ERICH3: variants seen among roughly 807,000 people sequenced by gnomAD.
ERICH3 encodes the protein glutamate rich 3, also known as glutamate-rich protein 3.
In ERICH3, 126 loss-of-function variants were observed where a neutral mutation model predicts 131.1. That is an observed-to-expected ratio of 0.96 (90% CI 0.83 to 1.11). ERICH3 has a LOEUF of 1.11. Ranked by LOEUF, ERICH3 falls within the 50% of genes most tolerant of loss-of-function variation. The pLI, the probability that ERICH3 is intolerant of heterozygous loss-of-function variation, is 0.00. For synonymous variants in ERICH3, 695 were observed against 644.6 expected (o/e 1.08, Z -1.18); for missense variants, 2,050 against 1,810.7 (o/e 1.13, Z -2.40).
intron 7 of ERICH3, among the ~76,000 whole-genome samples, chr1:74,628,939 A>G (rs886168831): frequency 6.6e-6 from 1 of 152,148 alleles, no homozygotes; most frequent in Non-Finnish European, 1.5e-5. Flanking sequence ...AAGAATTAAG[A>G]GACTAAACAC....
intron 12 of ERICH3, among the ~76,000 whole-genome samples, chr1:74,580,261 T>C (rs372904891): frequency 1.3e-5 from 2 of 152,122 alleles, no homozygotes; most frequent in Admixed American, 1.3e-4. Context: ...TATTTTCCCA[T>C]ATCATTAAAT....
intron 12 of ERICH3, among the ~76,000 whole-genome samples, chr1:74,587,522 G>T (rs2100557469): frequency 6.7e-6 from 1 of 150,302 alleles, no homozygotes; most frequent in East Asian, 2.0e-4. Context: ...CAAACCCAGA[G>T]AAAAAAAAAC....
chr1:74,636,596 A>T (rs1646391763), intron 5 of ERICH3, among the ~76,000 whole-genome samples, 158 bp from the exon 6 acceptor site: 1 of 152,208 alleles, frequency 6.6e-6, no homozygotes, highest in Admixed American at 6.5e-5. Flanking sequence ...TACCCTTATG[A>T]CCCAAAGTAT....
At chr1:74,658,407 A>G (rs1347452294) in intron 1 of ERICH3, among the ~76,000 whole-genome samples, 1 of 152,160 alleles carries the variant, frequency 6.6e-6, no homozygotes, top group African/African-American at 2.4e-5. Context: ...CAGAGGGAGA[A>G]GTCAAATCGT....
intron 3 of ERICH3, among the ~76,000 whole-genome samples, chr1:74,645,405 T>G (rs1040247162): frequency 6.6e-5 from 10 of 151,708 alleles, no homozygotes; most frequent in African/African-American, 2.4e-4. Context: ...TATGTTTATA[T>G]ATTATTTATT....
At chr1:74,649,170 T>C in intron 2 of ERICH3, 52 bp downstream of exon 2, 1 of 1,279,722 alleles carries the variant, frequency 7.8e-7, no homozygotes, top group South Asian at 1.3e-5. Flanking sequence ...AGGTAGGGAA[T>C]TATTGGACTT....
At chr1:74,610,170 T>C (rs1036050680) in intron 9 of ERICH3, among the ~76,000 whole-genome samples, 1 of 151,868 alleles carries the variant, frequency 6.6e-6, no homozygotes, top group Non-Finnish European at 1.5e-5. Flanking sequence ...AGGTGGCCCC[T>C]AAGTACAGCT....
Position 74,571,404 on chromosome 1 carries a change from C to A in ERICH3, c.4306G>T (p.Ala1436Ser), listed in dbSNP as rs145973902. ...AGCCCTGAGGTCTTCCGCTCCAGGG[C>A]TCCTGGAGTGCCCACCCCAGCCTCT... is the stretch of plus-strand genomic sequence containing the variant. Reference protein sequence around the residue: ...TTEAGVGTPGALERKTSGLGQ... With the variant: ...TTEAGVGTPGSLERKTSGLGQ... The change falls in exon 14 of 15, where the codon GCC becomes TCC. Residue 1436 changes from alanine (A) to serine (S), a missense_variant. Coordinates refer to ENST00000326665, the MANE Select transcript of ERICH3 (RefSeq NM_001002912.5). 171 of 1,613,878 alleles carry A rather than the reference C, an allele frequency of 1.1e-4. No homozygotes were observed. The highest frequency in any genetic ancestry group is 1.4e-4 in the Non-Finnish European group (164 of 1,179,986).
intron 13 of ERICH3, 116 bp downstream of exon 13, chr1:74,576,779 A>T: frequency 2.2e-6 from 2 of 912,284 alleles, no homozygotes; most frequent in East Asian, 5.0e-5. Context: ...CTTAAAAGTC[A>T]TTCAATAAAT....
intron 12 of ERICH3, among the ~76,000 whole-genome samples, chr1:74,585,087 A>G (rs1216125000): frequency 1.3e-5 from 2 of 152,230 alleles, no homozygotes; most frequent in African/African-American, 4.8e-5. Context: ...AATTTACATT[A>G]AATACACTAC....
At chr1:74,593,792 A>G (rs1283494546) in intron 11 of ERICH3, among the ~76,000 whole-genome samples, 1 of 152,140 alleles carries the variant, frequency 6.6e-6, no homozygotes, top group Admixed American at 6.6e-5. Flanking sequence ...GAGGTTCAAC[A>G]GTACCCAATG....
rs1474438450 is a variant in ERICH3 at position 74,569,595 on chromosome 1, TA to T, written c.*862del. 1 of 152,202 alleles carries T rather than the reference TA, an allele frequency of 6.6e-6. No individual in the cohort carries two copies. Among genetic ancestry groups the T allele is most frequent in the Non-Finnish European group, 1.5e-5 (1 of 68,026 alleles). The allele number at this position is 152,202 out of a possible 1,614,324, so 9.4% of individuals were successfully genotyped here. On this transcript the variant is annotated 3_prime_UTR_variant, in exon 15 of 15. Coordinates refer to ENST00000326665, the MANE Select transcript of ERICH3 (RefSeq NM_001002912.5). ...TTCTTTTCCATTTAATGACATCAACTAAAGAGTCTAGAATGTTGGCATAATG... is the reference window on the plus strand; with the variant it reads ...TTCTTTTCCATTTAATGACATCAACTAAGAGTCTAGAATGTTGGCATAATG...
chr1:74,598,596 A>G (rs1647967593), intron 11 of ERICH3, among the ~76,000 whole-genome samples: 1 of 151,936 alleles, frequency 6.6e-6, no homozygotes, highest in Non-Finnish European at 1.5e-5. Context: ...TCCAATAGAG[A>G]AATGAGTAAA....
At chr1:74,637,330 C>T (rs914244656) in intron 5 of ERICH3, among the ~76,000 whole-genome samples, 25 of 152,166 alleles carry the variant, frequency 1.6e-4, no homozygotes, top group Admixed American at 1.0e-3. Context: ...GCAGCTGGTT[C>T]TGGTGTCCAA....
intron 11 of ERICH3, among the ~76,000 whole-genome samples, chr1:74,598,911 A>G (rs1436728900): frequency 6.6e-6 from 1 of 151,886 alleles, no homozygotes; most frequent in African/African-American, 2.4e-5. Flanking sequence ...ATACAGAAAT[A>G]TCAGTACACA....
At chr1:74,616,326 G>A (rs1185696417) in intron 8 of ERICH3, among the ~76,000 whole-genome samples, 1 of 152,042 alleles carries the variant, frequency 6.6e-6, no homozygotes, top group Non-Finnish European at 1.5e-5. Context: ...AGCCATGACT[G>A]TAGTTCTAAT....
chr1:74,621,101 T>C (rs188700774), intron 7 of ERICH3, among the ~76,000 whole-genome samples, 187 bp from the exon 8 acceptor site: 56 of 152,322 alleles, frequency 3.7e-4, no homozygotes, highest in African/African-American at 1.1e-3. Context: ...CCTAAATAAC[T>C]ATAACATATA....
intron 8 of ERICH3, among the ~76,000 whole-genome samples, chr1:74,616,896 CTT>C (rs1188858987): frequency 6.6e-6 from 1 of 152,072 alleles, no homozygotes; most frequent in African/African-American, 2.4e-5. Context: ...CTTCTTGGGG[CTT>C]TTCAGGGAGT....
rs112289444 is a variant in ERICH3, at chr1:74,671,704, G to T, written c.23+1793C>A. Among the ~76,000 whole-genome samples, 218 of 152,252 alleles carry T rather than the reference G, an allele frequency of 1.4e-3. 1 individual carries two copies. The highest frequency in any genetic ancestry group is 5.1e-3 in the African/African-American group (211 of 41,534). The stretch of plus-strand genomic sequence containing the variant: ...GTAGTTCATATAAAACACTAGAATG[G>T]AGCCTGGCACATCGTATGCACATAA... On this transcript the variant is annotated intron_variant, in intron 1 of 14. Coordinates refer to ENST00000326665, the MANE Select transcript of ERICH3 (RefSeq NM_001002912.5).
Sources: gnomAD v4.1 joint callset for allele counts (sites outside exome capture counted in the v4.1 genomes callset) on GRCh38, gnomAD v4.1.1 for gene constraint, MANE v1.5 for transcripts, NCBI Gene and HGNC (gene_info 2026-07-23, HGNC 2026-07-21) for gene names.